Variants in FAT2 observed in about 807,000 individuals in gnomAD.
FAT2 encodes protocadherin Fat 2.
Under a neutral mutation model 295.3 loss-of-function variants are expected in FAT2, and 150 were observed. The observed-to-expected ratio is 0.51, with a 90% confidence interval of 0.44 to 0.58. The LOEUF is 0.58. Among genes scored for constraint, FAT2 ranks in the 20% least tolerant of loss-of-function variants. The pLI, the probability that FAT2 is intolerant of heterozygous loss-of-function variation, is 0.00. For missense variants in FAT2, 4,868 were observed against 5,442.7 expected (o/e 0.89, Z 3.32); for synonymous variants, 2,026 against 2,150.3 (o/e 0.94, Z 1.60).
chr5:151,528,166 G>A (rs925270392), intron 15 of FAT2, 33 bp from the exon 16 acceptor site: 2 of 1,608,744 alleles, frequency 1.2e-6, no homozygotes, highest in African/African-American at 1.3e-5. Context: ...TGAATGGAGG[G>A]ACAGGAATCT....
At position 151,505,505 on chromosome 5, in the gene FAT2, G is replaced by A. The variant is rs1760767432; in HGVS notation, c.*60C>T. On this transcript the variant is annotated 3_prime_UTR_variant, in exon 24 of 24. Coordinates refer to ENST00000261800, the MANE Select transcript of FAT2 (RefSeq NM_001447.3). Reference sequence around the variant, plus strand: ...ACTCAACTCACCCCCTACGAGACAGGAAGAAATAAGCCAAGTCCAGTCCTT... The same window carrying A: ...ACTCAACTCACCCCCTACGAGACAGAAAGAAATAAGCCAAGTCCAGTCCTT... 1.2e-5 allele frequency: 19 copies of A among 1,600,182 alleles called. No individual in the cohort carries two copies. In the South Asian group the frequency reaches 1.8e-4, roughly 15 times the overall value.
intron 6 of FAT2, 42 bp downstream of exon 6, chr5:151,553,135 T>C: frequency 1.3e-6 from 2 of 1,583,376 alleles, no homozygotes; most frequent in Non-Finnish European, 1.7e-6. Context: ...TGTATAAGGA[T>C]GGGAGGGGTT....
chr5:151,532,090 G>C, intron 13 of FAT2, 120 bp from the exon 14 acceptor site: 2 of 1,345,222 alleles, frequency 1.5e-6, no homozygotes, highest in Non-Finnish European at 2.0e-6. Flanking sequence ...GGACAAGCTG[G>C]CTTGGGTATA....
rs2127645523 is a variant in FAT2, at chr5:151,566,217, G to A, written c.2715C>T (p.Leu905=). The A allele has an allele frequency of 6.2e-7, 1 of 1,614,186 alleles. No individual in the cohort carries two copies. Residue 905 remains leucine (L), a synonymous_variant, in exon 2 of 24, where the codon CTC becomes CTT. Transcript: ENST00000261800. ...TGATTATCAGGTCAGTGACAGAGAAGAGCTGGTGGCCTTTGCTGGGCTGAT... is the reference window on the plus strand; with the variant it reads ...TGATTATCAGGTCAGTGACAGAGAAAAGCTGGTGGCCTTTGCTGGGCTGAT... ...ARDQPSKGHQ[L]FSVTDLIITL...
chr5:151,534,475 C>A lies in FAT2; in HGVS notation c.9361G>T (p.Ala3121Ser). 6.2e-7 allele frequency: 1 copy of A among 1,614,008 alleles called. No homozygotes were observed. The highest frequency in any genetic ancestry group is 8.5e-7 in the Non-Finnish European group (1 of 1,180,014). Residue 3121 changes from alanine (A) to serine (S), a missense_variant, in exon 13 of 24, where the codon GCT becomes TCT. Physicochemically the swap from Ala to Ser is moderately conservative, Grantham distance 99. This residue lies in a region of FAT2 where 1,046 missense variants were observed against 1,210.1 expected (regional missense o/e 0.86). Transcript: ENST00000261800. The part of the protein sequence containing the change: ...PRFFPSHCAV[A>S]VFDNTTVKTP... Reference sequence around the variant, plus strand: ...TTCACTGTGGTGTTGTCGAAGACAGCCACAGCACAGTGGCTGGGGAAGAAC... The same window carrying A: ...TTCACTGTGGTGTTGTCGAAGACAGACACAGCACAGTGGCTGGGGAAGAAC...
chr5:151,589,002 C>A (rs1246922025), intron 1 of FAT2, among the ~76,000 whole-genome samples: 2 of 152,154 alleles, frequency 1.3e-5, no homozygotes, highest in Non-Finnish European at 2.9e-5. Flanking sequence ...TGGACCCACA[C>A]TTTACTTTGT....
intron 4 of FAT2, 81 bp downstream of exon 4, chr5:151,556,263 A>G (rs1190723023): frequency 8.5e-7 from 1 of 1,183,322 alleles, no homozygotes; most frequent in Admixed American, 1.7e-5. Context: ...CTCCTCAGCC[A>G]CAGTGCTAGA....
chr5:151,526,640 T>G (rs543655605), intron 17 of FAT2, among the ~76,000 whole-genome samples: 1 of 152,326 alleles, frequency 6.6e-6, no homozygotes, highest in East Asian at 1.9e-4. Context: ...ACTGGCGATA[T>G]TCTCAGAAAA....
intron 11 of FAT2, among the ~76,000 whole-genome samples, chr5:151,538,703 A>C (rs1429894438): frequency 6.6e-6 from 1 of 152,122 alleles, no homozygotes; most frequent in Non-Finnish European, 1.5e-5. Flanking sequence ...TTTGAGACAG[A>C]GTCTCACTCT....
intron 23 of FAT2, 96 bp from the exon 24 acceptor site, chr5:151,506,193 G>C (rs1385576777): frequency 7.4e-7 from 1 of 1,342,528 alleles, no homozygotes; most frequent in African/African-American, 1.5e-5. Flanking sequence ...GAGTGGTGGA[G>C]ATGGGAGTGG....
chr5:151,540,487 T>C (rs1275290826), intron 11 of FAT2, 80 bp downstream of exon 11: 1 of 1,301,528 alleles, frequency 7.7e-7, no homozygotes, highest in Non-Finnish European at 1.1e-6. Context: ...CTTCTCCTGC[T>C]CCTCACTCTC....
Position 151,553,217 on chromosome 5 carries a change from G to T in FAT2, c.4116C>A (p.Ser1372Arg), listed in dbSNP as rs144014802. 1.2e-6 allele frequency: 2 copies of T among 1,614,236 alleles called. No individual in the cohort carries two copies. Among genetic ancestry groups the T allele is most frequent in the South Asian group, 2.2e-5 (2 of 91,084 alleles). ...AGAAGAGTCCGGGTCTGCCCTCTAC[G>T]CTGATGACCCCCACCATGTGGTTCA... ...DPVNHMVGVI[S>R]VEGRPGLFWF... Residue 1372 changes from serine (S) to arginine (R), a missense_variant, in exon 6 of 24, where the codon AGC becomes AGA. Physicochemically the swap from Ser to Arg is moderately radical, Grantham distance 110. This residue lies in a region of FAT2 where 3,297 missense variants were observed against 3,669.4 expected (regional missense o/e 0.90). Transcript: ENST00000261800.
rs763565008 is a variant in FAT2, at chr5:151,512,526, A to G, written c.11544T>C (p.Asn3848=). The G allele has an allele frequency of 1.9e-6, 3 of 1,614,206 alleles. No homozygotes were observed. The highest frequency in any genetic ancestry group is 2.2e-5 in the South Asian group (2 of 91,084). Residue 3848 remains asparagine (N), a synonymous_variant, in exon 21 of 24, where the codon AAT becomes AAC. Coordinates refer to ENST00000261800, the MANE Select transcript of FAT2 (RefSeq NM_001447.3). The surrounding 1 kb of genome is among the most constrained non-coding windows in gnomAD (Gnocchi z 4.1). ...YGNLSSQRHV[N]DHEWHSILVE... Reference sequence around the variant, plus strand: ...CCAGGATGGAGTGCCACTCGTGGTCATTCACATGGCGCTGGGAGGAAAGGT... The same window carrying G: ...CCAGGATGGAGTGCCACTCGTGGTCGTTCACATGGCGCTGGGAGGAAAGGT...
At chr5:151,559,638 CCTCTCTCTCTGTGTGTGTGTGTCTGTCT>C (rs1340764059) in intron 3 of FAT2, among the ~76,000 whole-genome samples, 7 of 149,826 alleles carry the variant, frequency 4.7e-5, no homozygotes, top group Non-Finnish European at 8.8e-5. Context: ...TGAATCTCAG[CCTCTCTCTCTGTGTGTGTGTGTCTGTCT>C]CTCTCTCCCT....
chr5:151,556,575 C>T (rs751166200), intron 3 of FAT2, among the ~76,000 whole-genome samples, 173 bp from the exon 4 acceptor site: 1 of 152,208 alleles, frequency 6.6e-6, no homozygotes, highest in Non-Finnish European at 1.5e-5. Context: ...CCTACTTTAT[C>T]ATGGTGTGGA....
chr5:151,587,173 AAAAC>A (rs1759210295), intron 1 of FAT2, among the ~76,000 whole-genome samples: 1 of 151,960 alleles, frequency 6.6e-6, no homozygotes. Context: ...AAACAAAAAA[AAAAC>A]AAAAAAACCC....
intron 22 of FAT2, among the ~76,000 whole-genome samples, chr5:151,508,364 A>G (rs11750722): frequency 0.47 from 70,967 of 152,074 alleles, 17,752 homozygotes; most frequent in East Asian, 0.83. Flanking sequence ...CTCGTGAACG[A>G]ATAGCATTCC....
chr5:151,555,148 C>T (rs1757571802), intron 4 of FAT2, among the ~76,000 whole-genome samples: 2 of 152,184 alleles, frequency 1.3e-5, no homozygotes, highest in South Asian at 4.1e-4. Flanking sequence ...AAAACCATTT[C>T]AGAACCAGTA....
intron 18 of FAT2, 32 bp from the exon 19 acceptor site, chr5:151,522,118 A>G: frequency 6.6e-7 from 1 of 1,511,018 alleles, no homozygotes; most frequent in Non-Finnish European, 9.0e-7. Context: ...CTGTCACCCA[A>G]CAGAACTGCA....
Sources: allele counts gnomAD v4.1 joint callset (sites outside exome capture counted in the v4.1 genomes callset), GRCh38; gene constraint gnomAD v4.1.1; regional missense constraint gnomAD v4.1.1; non-coding constraint Gnocchi (gnomAD v3.1); transcripts MANE v1.5; gene names NCBI Gene and HGNC (gene_info 2026-07-23, HGNC 2026-07-21).